The following MEF2A variants were observed in gnomAD, a reference collection of about 807,000 sequenced individuals.
MEF2A encodes the protein myocyte-specific enhancer factor 2A.
Under a neutral mutation model 55.8 loss-of-function variants are expected in MEF2A, and 28 were observed. That is an observed-to-expected ratio of 0.50 (90% CI 0.37 to 0.69). The LOEUF (loss-of-function observed/expected upper bound fraction) is 0.69, where lower values mean the gene tolerates loss of function less well. Ranked by LOEUF, MEF2A falls within the 30% of genes least tolerant of loss-of-function variation. The probability of loss-of-function intolerance (pLI) is 0.00; values close to 1 mark genes in which losing one functional copy is unlikely to be tolerated. For synonymous variants in MEF2A, 239 were observed against 227.1 expected (o/e 1.05, Z -0.47); for missense variants, 528 against 626.2 (o/e 0.84, Z 1.67).
chr15:99,586,625 G>C (rs540529976), intron 1 of MEF2A, among the ~76,000 whole-genome samples: 2 of 151,938 alleles, frequency 1.3e-5, no homozygotes, highest in South Asian at 4.2e-4. Context: ...TCCCTTAATG[G>C]TATCTTTCAA....
At chr15:99,698,684 CAGG>C (rs979824442) in intron 8 of MEF2A, among the ~76,000 whole-genome samples, 24 of 151,862 alleles carry the variant, frequency 1.6e-4, no homozygotes, top group Admixed American at 1.4e-3. Flanking sequence ...CCCAGCTACT[CAGG>C]AGGCTGAGGC....
chr15:99,619,208 CCT>C (rs995646897), intron 2 of MEF2A, among the ~76,000 whole-genome samples: 2 of 152,178 alleles, frequency 1.3e-5, no homozygotes, highest in African/African-American at 4.8e-5. Flanking sequence ...CAGCCAGACT[CCT>C]TACCTTGGGG....
At chr15:99,668,070 C>A (rs1039063019) in intron 4 of MEF2A, among the ~76,000 whole-genome samples, 11 of 151,574 alleles carry the variant, frequency 7.3e-5, no homozygotes, top group Non-Finnish European at 1.3e-4. Context: ...AAAAAAAAAA[C>A]TGTTAAAATA....
intron 1 of MEF2A, among the ~76,000 whole-genome samples, chr15:99,576,786 G>A (rs957171989): frequency 2.0e-5 from 3 of 151,786 alleles, no homozygotes; most frequent in African/African-American, 7.3e-5. Context: ...GACTACAGGC[G>A]CCTGCCACCG....
At chr15:99,682,267 T>C (rs1053749804) in intron 7 of MEF2A, among the ~76,000 whole-genome samples, 4 of 152,214 alleles carry the variant, frequency 2.6e-5, no homozygotes, top group Non-Finnish European at 5.9e-5. Flanking sequence ...AGGACTGTAA[T>C]TGAGATCAAG....
chr15:99,593,612 GTT>G (rs1970114861), intron 1 of MEF2A, among the ~76,000 whole-genome samples: 1 of 152,174 alleles, frequency 6.6e-6, no homozygotes. Context: ...CTTTGGAACT[GTT>G]TTCATGTAGA....
chr15:99,596,353 A>C (rs1216745774), intron 1 of MEF2A, among the ~76,000 whole-genome samples: 3 of 152,168 alleles, frequency 2.0e-5, no homozygotes, highest in Admixed American at 2.0e-4. Flanking sequence ...CATTAGATTA[A>C]AAGCTGAAAT....
At chr15:99,671,184 A>C (rs913315082) in intron 4 of MEF2A, 139 bp from the exon 5 acceptor site, 3 of 780,264 alleles carry the variant, frequency 3.8e-6, no homozygotes, top group Non-Finnish European at 6.1e-6. Context: ...AAGTAAGTAC[A>C]TTTGTGATCA....
At chr15:99,634,773 C>T (rs766801025) in intron 3 of MEF2A, among the ~76,000 whole-genome samples, 3 of 152,142 alleles carry the variant, frequency 2.0e-5, no homozygotes, top group Non-Finnish European at 4.4e-5. Flanking sequence ...GCTGTTCTTA[C>T]GTTGGACTTA....
intron 5 of MEF2A, among the ~76,000 whole-genome samples, chr15:99,673,258 G>A (rs923065052): frequency 2.0e-5 from 3 of 152,104 alleles, no homozygotes; most frequent in Non-Finnish European, 4.4e-5. Context: ...TTACTTTTGG[G>A]CAAATACCAT....
chr15:99,579,529 G>A (rs1965306749), intron 1 of MEF2A, among the ~76,000 whole-genome samples: 2 of 151,984 alleles, frequency 1.3e-5, no homozygotes, highest in South Asian at 2.1e-4. Context: ...CAAGTAGCTG[G>A]GATTACAGGC....
At chr15:99,642,642 T>G (rs1258648190) in intron 3 of MEF2A, among the ~76,000 whole-genome samples, 1 of 152,180 alleles carries the variant, frequency 6.6e-6, no homozygotes, top group Non-Finnish European at 1.5e-5. Flanking sequence ...AGAAATAGCT[T>G]TCCTATAAAA....
chr15:99,640,942 T>C (rs1283843973), intron 3 of MEF2A, among the ~76,000 whole-genome samples: 1 of 152,194 alleles, frequency 6.6e-6, no homozygotes, highest in Non-Finnish European at 1.5e-5. Flanking sequence ...TATGAGAGGC[T>C]GCATATTGGT....
intron 7 of MEF2A, among the ~76,000 whole-genome samples, chr15:99,679,868 A>G (rs572166954): frequency 3.3e-5 from 5 of 152,228 alleles, no homozygotes; most frequent in Non-Finnish European, 5.9e-5. Context: ...AGAGAAAATA[A>G]TGTACATTTT....
intron 4 of MEF2A, among the ~76,000 whole-genome samples, chr15:99,659,726 G>A (rs891731984): frequency 6.6e-6 from 1 of 152,106 alleles, no homozygotes; most frequent in African/African-American, 2.4e-5. Flanking sequence ...CTCTATAAGG[G>A]TAGAAGATGA....
rs544959849 is a variant in MEF2A, at chr15:99,630,120, C to G, written c.-142-2858C>G. 5.3e-5 allele frequency among the ~76,000 whole-genome samples: 8 copies of G among 151,638 alleles called. No homozygotes were observed. In the South Asian group the frequency reaches 1.7e-3, roughly 32 times the overall value. On this transcript the variant is annotated intron_variant, in intron 2 of 11. Coordinates refer to ENST00000557942, the MANE Select transcript of MEF2A (RefSeq NM_001319206.4). The stretch of plus-strand genomic sequence containing the variant: ...TGAGGATTGATAGAGCTTCTTGAAT[C>G]TGTGGCTCGATGTCTCATTGGTCAG...
intron 4 of MEF2A, among the ~76,000 whole-genome samples, chr15:99,661,419 T>G (rs1202018389): frequency 3.3e-5 from 5 of 151,756 alleles, no homozygotes; most frequent in Non-Finnish European, 7.4e-5. Flanking sequence ...AAGCGTTTTT[T>G]TTTTTTTTTA....
chr15:99,656,637 T>G (rs2047765285), intron 4 of MEF2A, among the ~76,000 whole-genome samples: 1 of 152,160 alleles, frequency 6.6e-6, no homozygotes, highest in Admixed American at 6.5e-5. Flanking sequence ...AGTAACCTAA[T>G]TAATCAGGTT....
intron 8 of MEF2A, among the ~76,000 whole-genome samples, chr15:99,699,919 G>A (rs1237968874): frequency 6.6e-6 from 1 of 151,506 alleles, no homozygotes; most frequent in African/African-American, 2.4e-5. Flanking sequence ...CTGTGTTTCA[G>A]GGTTATAGTT....
Sources: allele counts gnomAD v4.1 joint callset (sites outside exome capture counted in the v4.1 genomes callset), GRCh38; gene constraint gnomAD v4.1.1; transcripts MANE v1.5; gene names NCBI Gene and HGNC (gene_info 2026-07-23, HGNC 2026-07-21).